ARHGAP18: variants seen among roughly 807,000 people sequenced by gnomAD.
ARHGAP18 encodes rho GTPase-activating protein 18.
ARHGAP18 carries 67 observed loss-of-function variants against 86.2 expected under a neutral mutation model. That is an observed-to-expected ratio of 0.78 (90% CI 0.64 to 0.95). The LOEUF (loss-of-function observed/expected upper bound fraction) is 0.95. Ranked by LOEUF, ARHGAP18 falls within the 40% of genes least tolerant of loss-of-function variation. The probability of loss-of-function intolerance (pLI) is 0.00; values close to 1 mark genes in which losing one functional copy is unlikely to be tolerated. For synonymous variants in ARHGAP18, 283 were observed against 280.4 expected (o/e 1.01, Z -0.09); for missense variants, 691 against 780.4 (o/e 0.89, Z 1.37).
chr6:129,676,638 G>T (rs1448797960), intron 1 of ARHGAP18, among the ~76,000 whole-genome samples: 1 of 152,050 alleles, frequency 6.6e-6, no homozygotes, highest in African/African-American at 2.4e-5. Context: ...TCTTTAAAGC[G>T]CCTGCAAAGT....
At position 129,600,780 on chromosome 6, in the gene ARHGAP18, T is replaced by C. The variant is rs750402593; in HGVS notation, c.1434A>G (p.Val478=). 1.9e-6 allele frequency: 3 copies of C among 1,613,614 alleles called. No homozygotes were observed. Among genetic ancestry groups the C allele is most frequent in the Admixed American group, 1.7e-5 (1 of 59,912 alleles). The change falls in exon 11 of 15, where the codon GTA becomes GTG. Residue 478 remains valine (V), a synonymous_variant. Transcript: ENST00000368149. ...KEKNKMTVMN[V]AMVMAPNLFM... is the part of the protein sequence containing the mutation. ...AGAGATTCGGGGCCATGACCATTGC[T>C]ACATTCATGACTGTCATTTTATTTT...
intron 10 of ARHGAP18, among the ~76,000 whole-genome samples, chr6:129,603,387 TA>T (rs1788789200): frequency 6.6e-6 from 1 of 152,158 alleles, no homozygotes; most frequent in South Asian, 2.1e-4. Flanking sequence ...TGTCTGTGTG[TA>T]TCTATCACAT....
intron 5 of ARHGAP18, among the ~76,000 whole-genome samples, chr6:129,625,734 AT>A (rs1405658083): frequency 4.1e-5 from 1 of 24,422 alleles, no homozygotes; most frequent in African/African-American, 1.5e-4. Context: ...ATATATATTT[AT>A]TATATATTTA....
rs1788194084 is a variant in ARHGAP18, at chr6:129,577,176, G to A, written c.*1337C>T. The A allele has an allele frequency of 6.6e-6, 1 of 152,054 alleles. No individual in the cohort carries two copies. Among genetic ancestry groups the A allele is most frequent in the Non-Finnish European group, 1.5e-5 (1 of 67,980 alleles). 9.4% of individuals were successfully genotyped at this position (152,054 alleles called of 1,614,324 possible). ...CACGAATCACCACAAAATCATTTAA[G>A]TGATCATATCCACAGGCTGTTCTTG... On this transcript the variant is annotated 3_prime_UTR_variant, in exon 15 of 15. Coordinates refer to ENST00000368149, the MANE Select transcript of ARHGAP18 (RefSeq NM_033515.3).
At chr6:129,629,617 A>G (rs1584068315) in intron 4 of ARHGAP18, 95 bp from the exon 5 acceptor site, 2 of 1,323,706 alleles carry the variant, frequency 1.5e-6, no homozygotes, top group East Asian at 4.9e-5. Context: ...ATTTGGGAAG[A>G]GTACTATTTT....
At chr6:129,611,202 C>T (rs1788972107) in intron 8 of ARHGAP18, among the ~76,000 whole-genome samples, 1 of 152,184 alleles carries the variant, frequency 6.6e-6, no homozygotes, top group African/African-American at 2.4e-5. Flanking sequence ...ACGCCCGGCC[C>T]TGACTTCCGT....
At chr6:129,623,285 C>G (rs1256202465) in intron 5 of ARHGAP18, among the ~76,000 whole-genome samples, 1 of 152,130 alleles carries the variant, frequency 6.6e-6, no homozygotes, top group Non-Finnish European at 1.5e-5. Context: ...TGTCAAGTTA[C>G]CTCTCTAACA....
chr6:129,700,834 G>A (rs1473493666), intron 1 of ARHGAP18, among the ~76,000 whole-genome samples: 3 of 152,144 alleles, frequency 2.0e-5, no homozygotes, highest in Non-Finnish European at 4.4e-5. Flanking sequence ...GCTGCTACAT[G>A]AAAGAAGCAG....
intron 1 of ARHGAP18, among the ~76,000 whole-genome samples, chr6:129,646,321 T>A (rs1773578546): frequency 6.6e-6 from 1 of 152,196 alleles, no homozygotes; most frequent in Non-Finnish European, 1.5e-5. Context: ...AAATTCTTAC[T>A]GAAGTGCCTC....
chr6:129,619,957 A>G (rs531304119), intron 5 of ARHGAP18, among the ~76,000 whole-genome samples: 3 of 150,670 alleles, frequency 2.0e-5, no homozygotes, highest in African/African-American at 7.3e-5. Flanking sequence ...GGGGGAGGGA[A>G]AGGAGGAGAA....
chr6:129,648,352 CAG>C (rs1773626380), intron 1 of ARHGAP18, among the ~76,000 whole-genome samples: 2 of 152,018 alleles, frequency 1.3e-5, no homozygotes, highest in South Asian at 4.2e-4. Flanking sequence ...TTTGTAGAGA[CAG>C]AGTCTCCTTG....
At chr6:129,707,650 GTTT>G (rs57719259) in intron 1 of ARHGAP18, among the ~76,000 whole-genome samples, 3 of 107,856 alleles carry the variant, frequency 2.8e-5, no homozygotes, top group Non-Finnish European at 3.8e-5. Flanking sequence ...GTGGTTTCTT[GTTT>G]TTTTTTTTTT....
intron 2 of ARHGAP18, among the ~76,000 whole-genome samples, chr6:129,639,856 C>A (rs1295330897): frequency 6.6e-6 from 1 of 151,718 alleles, no homozygotes; most frequent in African/African-American, 2.4e-5. Context: ...ACCAGCCTGG[C>A]CAACATGGTG....
At chr6:129,607,774 G>T in intron 9 of ARHGAP18, 119 bp downstream of exon 9, 1 of 1,093,000 alleles carries the variant, frequency 9.1e-7, no homozygotes, top group Non-Finnish European at 1.3e-6. Flanking sequence ...GACATCAGTT[G>T]AGTCAATATG....
At chr6:129,674,361 G>A (rs892207769) in intron 1 of ARHGAP18, among the ~76,000 whole-genome samples, 6 of 152,118 alleles carry the variant, frequency 3.9e-5, no homozygotes, top group African/African-American at 7.2e-5. Flanking sequence ...CATGGTATCC[G>A]TTTAAACTTT....
At chr6:129,618,958 G>T (rs1789154475) in intron 5 of ARHGAP18, 106 bp from the exon 6 acceptor site, 4 of 1,000,296 alleles carry the variant, frequency 4.0e-6, no homozygotes, top group African/African-American at 1.6e-5. Flanking sequence ...CAGAATAAGT[G>T]ATAAGAAAAG....
intron 1 of ARHGAP18, among the ~76,000 whole-genome samples, chr6:129,656,061 T>C (rs1773828522): frequency 6.6e-6 from 1 of 152,252 alleles, no homozygotes; most frequent in African/African-American, 2.4e-5. Context: ...TTGTTAATAA[T>C]AAACAGATCA....
rs143944879 is a variant in ARHGAP18 at position 129,710,121 on chromosome 6, T to C, written c.16A>G (p.Ser6Gly). The change falls in exon 1 of 15, where the codon AGT becomes GGT. Residue 6 changes from serine to glycine, a missense_variant. Ser to Gly is a moderately conservative substitution (Grantham distance 56). Transcript: ENST00000368149. ...GCTGTTAGTACCACTCCCTGGGAAC[T>C]GGAGAGCCAGCTCATGGTGAGAGAA... is the stretch of plus-strand genomic sequence containing the variant. The part of the protein sequence containing the change: MSWLS[S>G]SQGVVLTAYH... 14 of 1,613,488 alleles carry C rather than the reference T, an allele frequency of 8.7e-6. No individual in the cohort carries two copies. The African/African-American group carries it at 1.7e-4, about 20-fold the overall frequency.
chr6:129,606,406 A>G (rs902529816), intron 9 of ARHGAP18, among the ~76,000 whole-genome samples: 3 of 152,234 alleles, frequency 2.0e-5, no homozygotes, highest in Non-Finnish European at 4.4e-5. Flanking sequence ...TATGTAAAAT[A>G]GGGCCTGGAA....
Sources: allele counts gnomAD v4.1 joint callset (sites outside exome capture counted in the v4.1 genomes callset), GRCh38; gene constraint gnomAD v4.1.1; transcripts MANE v1.5; gene names NCBI Gene and HGNC (gene_info 2026-07-23, HGNC 2026-07-21).